The following VEZT variants were observed in gnomAD, a reference collection of about 807,000 sequenced individuals.
The protein encoded by VEZT is vezatin, adherens junctions transmembrane protein.
VEZT carries 39 observed loss-of-function variants against 79.9 expected under a neutral mutation model. The observed-to-expected ratio is 0.49, with a 90% CI of 0.38 to 0.64. The LOEUF (loss-of-function observed/expected upper bound fraction) is 0.64, where lower values mean the gene tolerates loss of function less well. VEZT is among the 30% of genes least tolerant of loss of function. VEZT has a pLI of 0.00. For missense variants in VEZT, 837 were observed against 893.1 expected, an observed-to-expected ratio of 0.94 and a Z score of 0.80; for synonymous variants, 325 against 327.6, an observed-to-expected ratio of 0.99 and a Z score of 0.09.
At chr12:95,281,720 A>G (rs554938325) in intron 7 of VEZT, among the ~76,000 whole-genome samples, 244 of 151,986 alleles carry the variant, frequency 1.6e-3, no homozygotes, top group African/African-American at 5.7e-3. Flanking sequence ...TAAATTTTGT[A>G]TTTTTAGTAG....
Position 95,230,396 on chromosome 12 carries a change from AT to A in VEZT, c.36+12519del, listed in dbSNP as rs896550926. Among the ~76,000 whole-genome samples, 11 of 147,334 alleles carry A rather than the reference AT, an allele frequency of 7.5e-5. No homozygotes were observed. In the East Asian group the frequency reaches 7.9e-4, roughly 11 times the overall value. ...CTCATTAAGATCTTTATTAAAATGG[AT>A]TTTTTTTTCTTTTTTCTTTTTCTTT... On this transcript the variant is annotated intron_variant, in intron 1 of 11. Transcript: ENST00000436874.
At chr12:95,257,675 G>A (rs1169005006) in intron 3 of VEZT, among the ~76,000 whole-genome samples, 1 of 152,044 alleles carries the variant, frequency 6.6e-6, no homozygotes, top group African/African-American at 2.4e-5. Flanking sequence ...ACTCCAGGGG[G>A]GAAATACTTC....
At chr12:95,260,352 C>T (rs1452158781) in intron 3 of VEZT, among the ~76,000 whole-genome samples, 4 of 151,998 alleles carry the variant, frequency 2.6e-5, no homozygotes, top group Non-Finnish European at 4.4e-5. Context: ...GTGATCTGCC[C>T]GCCTTAGCCT....
intron 1 of VEZT, among the ~76,000 whole-genome samples, chr12:95,225,268 C>T (rs2058252317): frequency 6.6e-6 from 1 of 152,186 alleles, no homozygotes; most frequent in Non-Finnish European, 1.5e-5. Context: ...AGCACGTGAT[C>T]ATGATCATAG....
intron 1 of VEZT, among the ~76,000 whole-genome samples, chr12:95,235,700 C>A (rs1000665607): frequency 6.7e-6 from 1 of 148,758 alleles, no homozygotes; most frequent in African/African-American, 2.5e-5. Context: ...GACGGGGCGG[C>A]TGGCCGGGCG....
At chr12:95,268,663 G>A (rs963747702) in intron 5 of VEZT, among the ~76,000 whole-genome samples, 1 of 152,170 alleles carries the variant, frequency 6.6e-6, no homozygotes, top group Non-Finnish European at 1.5e-5. Flanking sequence ...AAGAGGTAAA[G>A]TGGGCCAGTT....
intron 9 of VEZT, among the ~76,000 whole-genome samples, chr12:95,289,264 A>C (rs11107965): frequency 0.11 from 16,926 of 150,798 alleles, 1,246 homozygotes; most frequent in East Asian, 0.16. Context: ...AAAAATACAA[A>C]AAATTAGCCG....
chr12:95,296,262 A>G lies in VEZT; in HGVS notation c.1831+4A>G. 6.4e-7 allele frequency: 1 copy of G among 1,570,852 alleles called. No individual in the cohort carries two copies. The highest frequency in any genetic ancestry group is 8.6e-7 in the Non-Finnish European group (1 of 1,157,782). The stretch of plus-strand genomic sequence containing the variant: ...CAACTTCTATTTAGTGATCATGGTA[A>G]GCACTGACTTTAAAGTAACAGGTTA... On this transcript the variant is annotated splice_donor_region_variant and intron_variant, in intron 11 of 11. Coordinates refer to ENST00000436874, the MANE Select transcript of VEZT (RefSeq NM_017599.4).
chr12:95,218,366 T>A (rs182100161), intron 1 of VEZT: 1 of 152,748 alleles, frequency 6.5e-6, no homozygotes, highest in African/African-American at 2.4e-5. Context: ...TCTAACACGG[T>A]TTAAAGTCTA....
At chr12:95,275,266 AG>A (rs1449438822) in intron 7 of VEZT, among the ~76,000 whole-genome samples, 1 of 152,178 alleles carries the variant, frequency 6.6e-6, no homozygotes, top group Non-Finnish European at 1.5e-5. Context: ...ATACATCAAA[AG>A]CCACATGAAA....
intron 9 of VEZT, among the ~76,000 whole-genome samples, chr12:95,293,366 T>C (rs1013511449): frequency 1.3e-5 from 2 of 152,156 alleles, no homozygotes; most frequent in Non-Finnish European, 2.9e-5. Context: ...ATTGTTACTT[T>C]TGAAAATTAA....
rs1452446466 is a variant in VEZT at position 95,270,107 on chromosome 12, T to C, written c.767T>C (p.Ile256Thr). Residue 256 changes from isoleucine to threonine, a missense_variant, in exon 6 of 12, where the codon ATC becomes ACC. Ile to Thr is a moderately conservative substitution (Grantham distance 89, BLOSUM62 -1). Coordinates refer to ENST00000436874, the MANE Select transcript of VEZT (RefSeq NM_017599.4). Reference protein sequence around the residue: ...KAGQHPSQHLIGLRKAVYRTL... With the variant: ...KAGQHPSQHLTGLRKAVYRTL... ...GGACAGCATCCAAGTCAGCATCTCA[T>C]CGGTCTTCGGAAAGCTGTCTACCGA... 2.5e-6 allele frequency: 4 copies of C among 1,612,030 alleles called. No homozygotes were observed. The highest frequency in any genetic ancestry group is 3.4e-6 in the Non-Finnish European group (4 of 1,179,204).
At chr12:95,250,910 T>A (rs1235127893) in intron 1 of VEZT, among the ~76,000 whole-genome samples, 2 of 152,214 alleles carry the variant, frequency 1.3e-5, no homozygotes, top group Non-Finnish European at 2.9e-5. Flanking sequence ...GTGCTATTAC[T>A]GCTATTTTTA....
chr12:95,289,614 A>G (rs2139620236), intron 9 of VEZT, among the ~76,000 whole-genome samples: 1 of 152,252 alleles, frequency 6.6e-6, no homozygotes, highest in Non-Finnish European at 1.5e-5. Flanking sequence ...GCTTTTGCTT[A>G]TAGATAATAA....
At chr12:95,250,983 G>T (rs1422557541) in intron 1 of VEZT, among the ~76,000 whole-genome samples, 1 of 152,116 alleles carries the variant, frequency 6.6e-6, no homozygotes, top group Non-Finnish European at 1.5e-5. Flanking sequence ...GTAAGAGGCA[G>T]AGTCGGGATT....
In VEZT at chr12:95,255,654, A is replaced by G. The variant is rs533552796; in HGVS notation, c.169-1496A>G. Among the ~76,000 whole-genome samples the G allele has an allele frequency of 3.0e-4, 45 of 152,160 alleles. No individual in the cohort carries two copies. In the South Asian group the frequency reaches 3.3e-3, roughly 11 times the overall value. On this transcript the variant is annotated intron_variant, in intron 2 of 11. Coordinates refer to ENST00000436874, the MANE Select transcript of VEZT (RefSeq NM_017599.4). The stretch of plus-strand genomic sequence containing the variant: ...CACTATGTTGGCCAGGCTGATCTCG[A>G]ACTCCTGACCTTGTGATCCACCCAC...
chr12:95,256,870 C>T (rs569869752), intron 2 of VEZT, among the ~76,000 whole-genome samples: 9 of 152,220 alleles, frequency 5.9e-5, no homozygotes, highest in South Asian at 2.1e-4. Context: ...CTTTAAAAAT[C>T]GGATTTTCAG....
At chr12:95,277,548 G>A (rs4762327) in intron 7 of VEZT, among the ~76,000 whole-genome samples, 43,616 of 151,918 alleles carry the variant, frequency 0.29, 7,163 homozygotes, top group African/African-American at 0.46. Context: ...ACACCCTTTC[G>A]AATTTAATAT....
Position 95,262,959 on chromosome 12 carries a change from G to A in VEZT, c.312G>A (p.Leu104=), listed in dbSNP as rs576048583. The change falls in exon 4 of 12, where the codon CTG becomes CTA. Residue 104 remains leucine (L), a synonymous_variant. Coordinates refer to ENST00000436874, the MANE Select transcript of VEZT (RefSeq NM_017599.4). ...ATACCATCCTGCAACAGGAAGTCCT[G>A]TTACAAGAGGATGTGGAGCTGATTG... ...SLHTILQQEV[L]LQEDVELIEL... 41 of 1,612,710 alleles carry A rather than the reference G, an allele frequency of 2.5e-5. No homozygotes were observed. Among genetic ancestry groups the A allele is most frequent in the African/African-American group, 2.1e-4 (16 of 75,010 alleles).
Sources: allele counts gnomAD v4.1 joint callset (sites outside exome capture counted in the v4.1 genomes callset), GRCh38; gene constraint gnomAD v4.1.1; transcripts MANE v1.5; gene names NCBI Gene and HGNC (gene_info 2026-07-23, HGNC 2026-07-21).